The following FGR variants were observed in gnomAD, a reference collection of about 807,000 sequenced individuals.
The protein encoded by FGR is FGR proto-oncogene, Src family tyrosine kinase.
A neutral mutation model predicts 63.2 loss-of-function variants in FGR; 26 were observed. The ratio of observed to expected loss-of-function variants is 0.41; its 90% confidence interval spans 0.30 to 0.57. FGR has a LOEUF of 0.57. Ranked by LOEUF, FGR falls within the 20% of genes least tolerant of loss-of-function variation. The probability of loss-of-function intolerance (pLI) is 0.27; values close to 1 mark genes in which losing one functional copy is unlikely to be tolerated. For synonymous variants in FGR, 286 were observed against 277.7 expected, an observed-to-expected ratio of 1.03 and a Z score of -0.30; for missense variants, 511 against 690.8, an observed-to-expected ratio of 0.74 and a Z score of 2.92.
chr1:27,612,645 A>G lies in FGR; in HGVS notation c.*269T>C. The G allele has an allele frequency of 4.5e-6, 2 of 440,666 alleles. No homozygotes were observed. Among genetic ancestry groups the G allele is most frequent in the South Asian group, 6.6e-5 (2 of 30,166 alleles). The allele number at this position is 440,666 out of a possible 1,614,324, so 27.3% of individuals were successfully genotyped here. On this transcript the variant is annotated 3_prime_UTR_variant, in exon 13 of 13. Transcript: ENST00000374005. Reference sequence around the variant, plus strand: ...GTCTGAGCACTTTGGGTGGGGATGGAGTGAGAAAGGCTACAGGCATGTAGG... The same window carrying G: ...GTCTGAGCACTTTGGGTGGGGATGGGGTGAGAAAGGCTACAGGCATGTAGG...
At chr1:27,626,280 G>C (rs146537543) in intron 1 of FGR, 1 of 398,300 alleles carries the variant, frequency 2.5e-6, no homozygotes, top group African/African-American at 2.1e-5. Flanking sequence ...CCTAAGATGT[G>C]AGAATGGAGA....
intron 1 of FGR, among the ~76,000 whole-genome samples, chr1:27,631,261 G>A (rs933434193): frequency 1.3e-5 from 2 of 152,108 alleles, no homozygotes; most frequent in African/African-American, 2.4e-5. Flanking sequence ...TCATACTTCC[G>A]GTCGAACACA....
At chr1:27,622,108 T>C (rs1476199308) in intron 4 of FGR, among the ~76,000 whole-genome samples, 1 of 152,062 alleles carries the variant, frequency 6.6e-6, no homozygotes, top group African/African-American at 2.4e-5. Context: ...GGTCAGGAGT[T>C]CGAGACCATC....
Position 27,614,925 on chromosome 1 carries a change from G to T in FGR, c.1020C>A (p.Gly340=). The change falls in exon 10 of 13, where the codon GGC becomes GGA. Residue 340 remains glycine, a splice_region_variant and synonymous_variant. Transcript: ENST00000374005. ...IYIVTEFMCH[G]SLLDFLKNPE... ...GGTTCTTGAGAAAATCCAGCAAGCT[G>T]CCTGGGAAGAAGCCAGAAAGTCAGC... 1.3e-6 allele frequency: 2 copies of T among 1,595,904 alleles called. No homozygotes were observed. Among genetic ancestry groups the T allele is most frequent in the South Asian group, 2.3e-5 (2 of 88,782 alleles).
chr1:27,619,456 G>T (rs1198098896), intron 5 of FGR, among the ~76,000 whole-genome samples: 1 of 152,214 alleles, frequency 6.6e-6, no homozygotes, highest in Non-Finnish European at 1.5e-5. Flanking sequence ...CTCCCAAAGT[G>T]CTGGGATTAC....
intron 5 of FGR, among the ~76,000 whole-genome samples, chr1:27,618,340 T>C (rs1010182031): frequency 2.6e-5 from 4 of 152,156 alleles, no homozygotes; most frequent in African/African-American, 4.8e-5. Context: ...CGTGTTAGGG[T>C]CTGCCTTAAT....
At position 27,612,720 on chromosome 1, in the gene FGR, A is replaced by T. The variant is rs2089717853; in HGVS notation, c.*194T>A. 1.7e-6 allele frequency: 1 copy of T among 588,060 alleles called. No individual in the cohort carries two copies. The highest frequency in any genetic ancestry group is 3.0e-5 in the Admixed American group (1 of 33,266). The allele number at this position is 588,060 out of a possible 1,614,324, so 36.4% of individuals were successfully genotyped here. A position where few individuals can be genotyped will look rare whatever the true frequency, so the allele number is the denominator to read the frequency against. On this transcript the variant is annotated 3_prime_UTR_variant, in exon 13 of 13. Transcript: ENST00000374005. ...AGTGCTTGGGGCCAGAGCGGATGAG[A>T]GATCAGCTCTGGGCCTCCTTTTGCC...
rs2089715344 is a variant in FGR at position 27,612,590 on chromosome 1, TACATACAGTTTTATAAATA to T, written c.*305_*323del. 3.6e-6 allele frequency: 1 copy of T among 280,762 alleles called. No individual in the cohort carries two copies. 17.4% of individuals were successfully genotyped at this position (280,762 alleles called of 1,614,324 possible). ...AGTGATAGGAGAGAAGTGAGGGAGG[TACATACAGTTTTATAAATA>T]ACTAGACAAGGTCTGAGCACTTTGG... On this transcript the variant is annotated 3_prime_UTR_variant, in exon 13 of 13. Coordinates refer to ENST00000374005, the MANE Select transcript of FGR (RefSeq NM_005248.3).
intron 4 of FGR, among the ~76,000 whole-genome samples, chr1:27,622,599 G>A (rs1339750088): frequency 2.0e-5 from 3 of 151,920 alleles, no homozygotes; most frequent in Admixed American, 6.6e-5. Context: ...TCTGCCTCCC[G>A]GGTTCAAGTG....
At chr1:27,621,538 C>T (rs61787077) in intron 5 of FGR, 21 bp downstream of exon 5, 1 of 1,593,550 alleles carries the variant, frequency 6.3e-7, no homozygotes, top group Non-Finnish European at 8.6e-7. Context: ...TAGGGCTGGT[C>T]TTGCCCCAAT....
intron 1 of FGR, among the ~76,000 whole-genome samples, chr1:27,632,439 T>A (rs2090119329): frequency 6.6e-6 from 1 of 152,106 alleles, no homozygotes; most frequent in Middle Eastern, 3.4e-3. Flanking sequence ...TGCCCTGCCT[T>A]CATTAACCCC....
Position 27,612,631 on chromosome 1 carries a change from T to G in FGR, c.*283A>C. 9.9e-6 allele frequency: 4 copies of G among 402,236 alleles called. No homozygotes were observed. Among genetic ancestry groups the G allele is most frequent in the African/African-American group, 2.0e-5 (1 of 49,852 alleles). 24.9% of individuals were successfully genotyped at this position (402,236 alleles called of 1,614,324 possible). The stretch of plus-strand genomic sequence containing the variant: ...AATAACTAGACAAGGTCTGAGCACT[T>G]TGGGTGGGGATGGAGTGAGAAAGGC... On this transcript the variant is annotated 3_prime_UTR_variant, in exon 13 of 13. Transcript: ENST00000374005.
intron 1 of FGR, among the ~76,000 whole-genome samples, chr1:27,632,175 C>A (rs1181583857): frequency 6.7e-6 from 1 of 149,156 alleles, no homozygotes; most frequent in African/African-American, 2.5e-5. Context: ...CTCATTCTGT[C>A]GCCAAGGCTG....
At chr1:27,623,993 C>T (rs1466500529) in intron 2 of FGR, 64 bp from the exon 3 acceptor site, 31 of 1,342,514 alleles carry the variant, frequency 2.3e-5, no homozygotes, top group Middle Eastern at 2.7e-4. Flanking sequence ...TGCACACACG[C>T]GCATGCACAT....
chr1:27,616,929 CCA>C lies in FGR; in HGVS notation c.608_609del (p.Leu203ArgfsTer28). 6.2e-7 allele frequency: 1 copy of C among 1,614,212 alleles called. No individual in the cohort carries two copies. Among genetic ancestry groups the C allele is most frequent in the African/African-American group, 1.3e-5 (1 of 75,046 alleles). The stretch of plus-strand genomic sequence containing the variant: ...GTGGTGATGTAGTAGCCGCCCATGT[CCA>C]GTTTGCGGATCTTGTAATGCTTCAC... The part of the protein sequence containing the change: ...DHVKHYKIRK[L>X]DMGGYYITTR... On this transcript the variant is annotated frameshift_variant, in exon 7 of 13. Coordinates refer to ENST00000374005, the MANE Select transcript of FGR (RefSeq NM_005248.3). LOFTEE classifies it high-confidence loss of function. The surrounding 1 kb of genome is among the most constrained non-coding windows in gnomAD (Gnocchi z 4.3).
Position 27,613,278 on chromosome 1 carries a change from A to C in FGR, c.1322T>G (p.Val441Gly), listed in dbSNP as rs202144510. The change falls in exon 12 of 13, where the codon GTG becomes GGG. Residue 441 changes from valine to glycine, a missense_variant. Val to Gly is a moderately radical substitution (Grantham distance 109). Transcript: ENST00000374005. Reference protein sequence around the residue: ...LFGRFTIKSDVWSFGILLTEL... With the variant: ...LFGRFTIKSDGWSFGILLTEL... ...AGTGAGCAGGATCCCAAAGGACCAC[A>C]CGTCTGACTTGATGGTGAATCTGCC... is the stretch of plus-strand genomic sequence containing the variant. 109 of 1,614,024 alleles carry C rather than the reference A, an allele frequency of 6.8e-5. No individual in the cohort carries two copies. The highest frequency in any genetic ancestry group is 1.0e-5 in the Non-Finnish European group (12 of 1,180,024).
At chr1:27,621,728 C>G (rs2089930872) in intron 4 of FGR, 71 bp from the exon 5 acceptor site, 1 of 1,090,884 alleles carries the variant, frequency 9.2e-7, no homozygotes, top group Non-Finnish European at 1.4e-6. Flanking sequence ...CAGGTGGAGC[C>G]ACACAGGTCT....
At chr1:27,627,797 T>C (rs778233634) in intron 1 of FGR, among the ~76,000 whole-genome samples, 1 of 152,084 alleles carries the variant, frequency 6.6e-6, no homozygotes, top group Non-Finnish European at 1.5e-5. Context: ...TTAGTAGCGA[T>C]GGGTTTTCAC....
intron 1 of FGR, among the ~76,000 whole-genome samples, chr1:27,630,226 T>C (rs1300782070): frequency 6.6e-6 from 1 of 152,136 alleles, no homozygotes; most frequent in East Asian, 1.9e-4. Context: ...GCTAATTTTT[T>C]GTATTTTGAG....
Sources: gnomAD v4.1 joint callset for allele counts (sites outside exome capture counted in the v4.1 genomes callset) on GRCh38, gnomAD v4.1.1 for gene constraint, Gnocchi (gnomAD v3.1) non-coding constraint, MANE v1.5 for transcripts, NCBI Gene and HGNC (gene_info 2026-07-23, HGNC 2026-07-21) for gene names.